Variants in AGTPBP1 observed in about 807,000 individuals in gnomAD.
AGTPBP1 encodes the protein cytosolic carboxypeptidase 1.
In AGTPBP1, 70 loss-of-function variants were observed where a neutral mutation model predicts 143.9. The ratio of observed to expected loss-of-function variants is 0.49; its 90% CI spans 0.40 to 0.59. AGTPBP1 has a LOEUF of 0.59. Among genes scored for constraint, AGTPBP1 ranks in the 20% least tolerant of loss-of-function variants. The pLI, the probability that AGTPBP1 is intolerant of heterozygous loss-of-function variation, is 0.00. For missense variants in AGTPBP1, 1,229 were observed against 1,464.5 expected, an observed-to-expected ratio of 0.84 and a Z score of 2.62; for synonymous variants, 463 against 500.2, an observed-to-expected ratio of 0.93 and a Z score of 0.99.
chr9:85,791,878 G>A, the AGTPBP1 span, among the ~76,000 whole-genome samples: 2 of 151,106 alleles, frequency 1.3e-5, no homozygotes, highest in Admixed American at 6.6e-5. Flanking sequence ...AGAAATTGTG[G>A]AGCCATTCAA....
intron 25 of AGTPBP1, among the ~76,000 whole-genome samples, chr9:85,572,492 T>C (rs1827568571): frequency 6.6e-6 from 1 of 152,190 alleles, no homozygotes; most frequent in South Asian, 2.1e-4. Flanking sequence ...AGGAAATCGA[T>C]TATATGGAAA....
At chr9:85,771,013 C>T in the AGTPBP1 span, among the ~76,000 whole-genome samples, 1 of 152,140 alleles carries the variant, frequency 6.6e-6, no homozygotes, top group Non-Finnish European at 1.5e-5. Context: ...GTATTTTTTA[C>T]AGATTAGTCA....
chr9:85,672,651 T>C lies in AGTPBP1; in HGVS notation c.467A>G (p.Asn156Ser). The C allele has an allele frequency of 1.2e-6, 2 of 1,612,022 alleles. No homozygotes were observed. Among genetic ancestry groups the C allele is most frequent in the Non-Finnish European group, 1.7e-6 (2 of 1,179,052 alleles). ...ATTCAGGGTTATATTCAGAGCCCCA[T>C]TAATTCTAGCCTTTACTCCAAATTT... ...DKKFGVKARI[N>S]GALNITLNLV... is the part of the protein sequence containing the mutation. Residue 156 changes from asparagine (N) to serine (S), a missense_variant, in exon 7 of 26, where the codon AAT becomes AGT. Around this residue, in one of 2 missense-constraint regions of AGTPBP1, gnomAD observed 743 missense variants for 812.2 expected, o/e 0.91. Coordinates refer to ENST00000357081, the MANE Select transcript of AGTPBP1 (RefSeq NM_001330701.2).
the AGTPBP1 span, among the ~76,000 whole-genome samples, chr9:85,771,092 C>T: frequency 6.6e-6 from 1 of 152,160 alleles, no homozygotes; most frequent in African/African-American, 2.4e-5. Flanking sequence ...GTCTTTTCCA[C>T]TTAAGTTATA....
At chr9:85,583,445 C>T (rs550884198) in intron 23 of AGTPBP1, among the ~76,000 whole-genome samples, 1 of 152,268 alleles carries the variant, frequency 6.6e-6, no homozygotes, top group South Asian at 2.1e-4. Context: ...ATGCAATTAC[C>T]TGACGTAACT....
At chr9:85,625,594 GT>G (rs542122300) in intron 14 of AGTPBP1, among the ~76,000 whole-genome samples, 3 of 146,388 alleles carry the variant, frequency 2.0e-5, no homozygotes, top group African/African-American at 5.3e-5. Flanking sequence ...TAAAAATACA[GT>G]TTTTTTTTTG....
the AGTPBP1 span, among the ~76,000 whole-genome samples, chr9:85,784,637 T>TAA: frequency 2.6e-5 from 4 of 152,342 alleles, no homozygotes; most frequent in South Asian, 8.3e-4. Context: ...GGAGCCACTG[T>TAA]CTGTGGTCAA....
chr9:85,700,022 CAG>C (rs1212834635), intron 2 of AGTPBP1, among the ~76,000 whole-genome samples: 1 of 152,182 alleles, frequency 6.6e-6, no homozygotes, highest in Non-Finnish European at 1.5e-5. Flanking sequence ...CAGTAGAAGA[CAG>C]AGTCTCATAC....
chr9:85,761,154 C>T, the AGTPBP1 span, among the ~76,000 whole-genome samples: 4 of 152,210 alleles, frequency 2.6e-5, no homozygotes, highest in Admixed American at 6.5e-5. Context: ...ACATTCCATA[C>T]TCATGGGTAG....
intron 2 of AGTPBP1, among the ~76,000 whole-genome samples, chr9:85,711,461 A>G (rs1837363084): frequency 7.0e-6 from 1 of 142,390 alleles, no homozygotes; most frequent in Non-Finnish European, 1.5e-5. Flanking sequence ...TTTTTTTGAG[A>G]CAGAGTCTCA....
At chr9:85,610,620 A>T (rs1830257270) in intron 17 of AGTPBP1, among the ~76,000 whole-genome samples, 1 of 152,124 alleles carries the variant, frequency 6.6e-6, no homozygotes, top group Non-Finnish European at 1.5e-5. Flanking sequence ...ACACTTAAAT[A>T]GTACCCCAAC....
rs75544310 is a variant in AGTPBP1, at chr9:85,552,578, G to A, written c.3504-5292C>T. On this transcript the variant is annotated intron_variant, in intron 25 of 25. Transcript: ENST00000357081. ...CCAGAACAAGCCATTTCCTCTCTCT[G>A]AGCACAGGTTTCTCAGTGTAAAGCA... Among the ~76,000 whole-genome samples the A allele has an allele frequency of 4.3e-4, 65 of 152,264 alleles. No homozygotes were observed. In the South Asian group the frequency reaches 0.013, roughly 32 times the overall value.
chr9:85,736,040 C>T (rs1197036485), intron 1 of AGTPBP1, among the ~76,000 whole-genome samples: 1 of 151,938 alleles, frequency 6.6e-6, no homozygotes, highest in Non-Finnish European at 1.5e-5. Flanking sequence ...AACCAGGTCA[C>T]TTTTTTTTAA....
At chr9:85,731,484 C>T (rs566299858) in intron 1 of AGTPBP1, among the ~76,000 whole-genome samples, 4 of 151,910 alleles carry the variant, frequency 2.6e-5, no homozygotes, top group African/African-American at 7.2e-5. Flanking sequence ...TTTTGAGACA[C>T]GGTCTTGCTC....
chr9:85,801,387 T>C, the AGTPBP1 span, among the ~76,000 whole-genome samples: 8,380 of 151,878 alleles, frequency 0.055, 535 homozygotes, highest in African/African-American at 0.19. Context: ...GATGTTCTGA[T>C]ACAGGCATGC....
chr9:85,771,301 T>C, the AGTPBP1 span, among the ~76,000 whole-genome samples: 2 of 151,998 alleles, frequency 1.3e-5, no homozygotes, highest in Non-Finnish European at 2.9e-5. Flanking sequence ...GAATTTGAGA[T>C]CCTATCTTTA....
chr9:85,566,395 T>C (rs914454484), intron 25 of AGTPBP1, among the ~76,000 whole-genome samples: 2 of 151,544 alleles, frequency 1.3e-5, no homozygotes, highest in Admixed American at 6.6e-5. Context: ...CTGGGTGTGG[T>C]GGTATGTGCC....
chr9:85,636,626 T>C (rs546187171), intron 13 of AGTPBP1, among the ~76,000 whole-genome samples: 215 of 152,078 alleles, frequency 1.4e-3, no homozygotes, highest in Middle Eastern at 3.4e-3. Flanking sequence ...CAGATAGTTC[T>C]AATGAAATAA....
chr9:85,591,193 A>AAG (rs1554697672), intron 19 of AGTPBP1, among the ~76,000 whole-genome samples: 2 of 150,124 alleles, frequency 1.3e-5, no homozygotes, highest in East Asian at 3.9e-4. Flanking sequence ...AAAAAAAAAA[A>AAG]GGGGGGGAGT....
Sources: allele counts gnomAD v4.1 joint callset (sites outside exome capture counted in the v4.1 genomes callset), GRCh38; gene constraint gnomAD v4.1.1; regional missense constraint gnomAD v4.1.1; transcripts MANE v1.5; gene names NCBI Gene and HGNC (gene_info 2026-07-23, HGNC 2026-07-21).